Variants in ITSN1 observed in about 807,000 individuals in gnomAD.
ITSN1 encodes the protein intersectin 1, also known as intersectin-1.
Under a neutral mutation model 239.8 loss-of-function variants are expected in ITSN1, and 58 were observed. The ratio of observed to expected loss-of-function variants is 0.24; its 90% CI spans 0.20 to 0.30. The LOEUF is 0.30. Among genes scored for constraint, ITSN1 ranks in the 10% least tolerant of loss-of-function variants. ITSN1 has a pLI of 1.00. For missense variants in ITSN1, 1,558 were observed against 2,103.3 expected, an observed-to-expected ratio of 0.74 and a Z score of 5.07; for synonymous variants, 780 against 770.8, an observed-to-expected ratio of 1.01 and a Z score of -0.20.
Position 33,893,298 on chromosome 21 carries a change from A to C in ITSN1, c.*4998A>C, listed in dbSNP as rs886573771. 1 of 152,236 alleles carries C rather than the reference A, an allele frequency of 6.6e-6. No individual in the cohort carries two copies. Among genetic ancestry groups the C allele is most frequent in the Non-Finnish European group, 1.5e-5 (1 of 68,094 alleles). The allele number at this position is 152,236 out of a possible 1,614,324, so 9.4% of individuals were successfully genotyped here. Reference sequence around the variant, plus strand: ...TTTGTGTGGGGTTCTTCAGAGAAATAATGCAAACCGGCCAGGTGCGGTGGC... The same window carrying C: ...TTTGTGTGGGGTTCTTCAGAGAAATCATGCAAACCGGCCAGGTGCGGTGGC... On this transcript the variant is annotated 3_prime_UTR_variant, in exon 40 of 40. Transcript: ENST00000381318.
In ITSN1 at chr21:33,755,315, G is replaced by T. The variant is rs546895300; in HGVS notation, c.642G>T (p.Glu214Asp). The change falls in exon 8 of 40, where the codon GAG (glutamate) becomes GAT (aspartate). Residue 214 changes from glutamate (E) to aspartate (D), a missense_variant. This residue lies in a region of ITSN1 where 982 missense variants were observed against 1,209.9 expected (regional missense o/e 0.81). Coordinates refer to ENST00000381318, the MANE Select transcript of ITSN1 (RefSeq NM_003024.3). ...FDVASVPPVA[E>D]WAVPQSSRLK... Reference sequence around the variant, plus strand: ...CCCACAGTGTCCCACCAGTGGCAGAGTGGGCTGTTCCTCAGTCATCAAGAC... The same window carrying T: ...CCCACAGTGTCCCACCAGTGGCAGATTGGGCTGTTCCTCAGTCATCAAGAC... 8 of 1,609,164 alleles carry T rather than the reference G, an allele frequency of 5.0e-6. No individual in the cohort carries two copies. The East Asian group carries it at 1.6e-4, about 31-fold the overall frequency.
In ITSN1 at chr21:33,750,715, G is replaced by A. The variant is rs544426146; in HGVS notation, c.526+393G>A. On this transcript the variant is annotated intron_variant, in intron 6 of 39. Transcript: ENST00000381318. ...GCTAATAAGCAAGCCAATCCCCTAG[G>A]AATAGAACTATGTTGGGGGTTGTGG... is the stretch of plus-strand genomic sequence containing the variant. 3.3e-5 allele frequency among the ~76,000 whole-genome samples: 5 copies of A among 152,288 alleles called. No individual in the cohort carries two copies. The East Asian group carries it at 5.8e-4, about 18-fold the overall frequency.
At chr21:33,751,758 G>C in intron 6 of ITSN1, 52 bp from the exon 7 acceptor site, 1 of 1,379,328 alleles carries the variant, frequency 7.2e-7, no homozygotes, top group Non-Finnish European at 1.0e-6. Flanking sequence ...GTAAATTGGG[G>C]AAAGTTTCTT....
intron 20 of ITSN1, among the ~76,000 whole-genome samples, chr21:33,803,063 A>G (rs942563476): frequency 3.3e-5 from 5 of 152,230 alleles, no homozygotes; most frequent in African/African-American, 1.2e-4. Context: ...TATTTAAAAA[A>G]TACATGAAAA....
At chr21:33,710,132 G>GC (rs2092372558) in intron 1 of ITSN1, among the ~76,000 whole-genome samples, 1 of 148,148 alleles carries the variant, frequency 6.8e-6, no homozygotes, top group Admixed American at 6.8e-5. Context: ...GGGCTGGAGT[G>GC]CAGTGGCATG....
chr21:33,705,413 A>C (rs1265927494), intron 1 of ITSN1, among the ~76,000 whole-genome samples: 1 of 152,154 alleles, frequency 6.6e-6, no homozygotes, highest in Admixed American at 6.5e-5. Context: ...TTTGAGACAG[A>C]GTCTCGCTCT....
intron 4 of ITSN1, among the ~76,000 whole-genome samples, chr21:33,732,466 A>T (rs1032641362): frequency 6.6e-6 from 1 of 152,220 alleles, no homozygotes; most frequent in African/African-American, 2.4e-5. Context: ...ATTACTTTCC[A>T]GAAATCACTA....
chr21:33,719,751 C>T (rs2065375105), intron 2 of ITSN1, among the ~76,000 whole-genome samples: 1 of 152,028 alleles, frequency 6.6e-6, no homozygotes, highest in South Asian at 2.1e-4. Context: ...GTTTGTTTTA[C>T]TTCAGTTAAA....
chr21:33,645,539 G>A (rs1044157855), intron 1 of ITSN1, among the ~76,000 whole-genome samples: 4 of 152,114 alleles, frequency 2.6e-5, no homozygotes, highest in Non-Finnish European at 4.4e-5. Flanking sequence ...AGCTTTTCTA[G>A]AGGCTGAGGT....
rs1330890299 is a variant in ITSN1, at chr21:33,797,526, A to G, written c.2100A>G (p.Glu700=). 6.2e-7 allele frequency: 1 copy of G among 1,614,066 alleles called. No individual in the cohort carries two copies. Among genetic ancestry groups the G allele is most frequent in the African/African-American group, 1.3e-5 (1 of 74,930 alleles). The part of the protein sequence containing the change: ...KKDGEEKGKQ[E]AQDKLGRLFH... ...ATGGCGAGGAAAAAGGCAAACAGGA[A>G]GCACAAGACAAGCTGGGTCGGCTTT... The change falls in exon 18 of 40, where the codon GAA becomes GAG. Residue 700 remains glutamate, a synonymous_variant. Coordinates refer to ENST00000381318, the MANE Select transcript of ITSN1 (RefSeq NM_003024.3). The surrounding 1 kb of genome is among the most constrained non-coding windows in gnomAD (Gnocchi z 4.9).
intron 22 of ITSN1, chr21:33,817,775 C>T (rs1214992296): frequency 6.3e-6 from 4 of 632,570 alleles, no homozygotes; most frequent in South Asian, 2.0e-5. Flanking sequence ...TGAAAAGGAA[C>T]TAAAACAAGC....
chr21:33,853,289 C>A (rs181774485), intron 29 of ITSN1, among the ~76,000 whole-genome samples: 23 of 152,328 alleles, frequency 1.5e-4, no homozygotes, highest in African/African-American at 5.1e-4. Context: ...ACTTGCCCAG[C>A]GCTTCCCCTG....
chr21:33,768,362 A>C (rs986366403), intron 11 of ITSN1, among the ~76,000 whole-genome samples: 1 of 151,772 alleles, frequency 6.6e-6, no homozygotes, highest in African/African-American at 2.4e-5. Context: ...GCTCACTGCA[A>C]CCTCCGCCTC....
At position 33,897,203 on chromosome 21, in the gene ITSN1, A is replaced by G. The variant is rs1204319130; in HGVS notation, c.*8903A>G. ...CATGCATTTAAAGCCTACATGGCCA[A>G]TAGCCCAAGTATCTTTGAACTGTGA... On this transcript the variant is annotated 3_prime_UTR_variant, in exon 40 of 40. Coordinates refer to ENST00000381318, the MANE Select transcript of ITSN1 (RefSeq NM_003024.3). The G allele has an allele frequency of 6.6e-6, 1 of 152,300 alleles. No individual in the cohort carries two copies. Among genetic ancestry groups the G allele is most frequent in the East Asian group, 1.9e-4 (1 of 5,196 alleles). The allele number at this position is 152,300 out of a possible 1,614,324, so 9.4% of individuals were successfully genotyped here. A position where few individuals can be genotyped will look rare whatever the true frequency, so the allele number is the denominator to read the frequency against.
intron 1 of ITSN1, among the ~76,000 whole-genome samples, chr21:33,662,605 A>C (rs1013307009): frequency 6.6e-6 from 1 of 152,170 alleles, no homozygotes; most frequent in East Asian, 1.9e-4. Context: ...CTAATCAGGA[A>C]GGTTTCTTGG....
intron 31 of ITSN1, among the ~76,000 whole-genome samples, chr21:33,862,457 A>G (rs1164089317): frequency 6.6e-6 from 1 of 152,198 alleles, no homozygotes; most frequent in Non-Finnish European, 1.5e-5. Context: ...ATGGTGAGAA[A>G]GAAGAAGAAA....
At chr21:33,842,495 GGTGTGTGT>G (rs34019939) in intron 29 of ITSN1, among the ~76,000 whole-genome samples, 58 of 148,156 alleles carry the variant, frequency 3.9e-4, no homozygotes, top group African/African-American at 8.4e-4. Flanking sequence ...TGATGTCAAC[GGTGTGTGT>G]GTGTGTGTGT....
At chr21:33,883,339 G>A (rs1168395980) in intron 35 of ITSN1, among the ~76,000 whole-genome samples, 4 of 152,106 alleles carry the variant, frequency 2.6e-5, no homozygotes, top group Non-Finnish European at 5.9e-5. Context: ...AAACACACAC[G>A]CCCTTAGTCT....
At chr21:33,766,425 A>C (rs556758984) in intron 10 of ITSN1, among the ~76,000 whole-genome samples, 1 of 152,306 alleles carries the variant, frequency 6.6e-6, no homozygotes, top group Non-Finnish European at 1.5e-5. Flanking sequence ...CAGGAAGACA[A>C]AGAAAATTAC....
Sources: gnomAD v4.1 joint callset for allele counts (sites outside exome capture counted in the v4.1 genomes callset) on GRCh38, gnomAD v4.1.1 for gene constraint, gnomAD v4.1.1 regional missense constraint, Gnocchi (gnomAD v3.1) non-coding constraint, MANE v1.5 for transcripts, NCBI Gene and HGNC (gene_info 2026-07-23, HGNC 2026-07-21) for gene names.